The following CDH13 variants were observed in gnomAD, a reference collection of about 807,000 sequenced individuals.
CDH13 encodes the protein cadherin-13.
In CDH13, 24 loss-of-function variants were observed where a neutral mutation model predicts 63.8. The observed-to-expected ratio is 0.38, with a 90% CI of 0.27 to 0.53. The LOEUF is 0.53. Ranked by LOEUF, CDH13 falls within the 20% of genes least tolerant of loss-of-function variation. The probability of loss-of-function intolerance (pLI) is 0.85; values close to 1 mark genes in which losing one functional copy is unlikely to be tolerated. For synonymous variants in CDH13, 503 were observed against 355.3 expected (o/e 1.42, Z -4.67); for missense variants, 1,049 against 903.1 (o/e 1.16, Z -2.07).
chr16:83,197,794 A>G (rs2038917847), intron 4 of CDH13, among the ~76,000 whole-genome samples: 2 of 140,668 alleles, frequency 1.4e-5, no homozygotes, highest in African/African-American at 2.7e-5. Context: ...TCACACACTC[A>G]TATGCTCACA....
At chr16:83,429,057 G>A (rs896422487) in intron 6 of CDH13, among the ~76,000 whole-genome samples, 5 of 152,232 alleles carry the variant, frequency 3.3e-5, no homozygotes, top group African/African-American at 1.2e-4. Flanking sequence ...ACCAAAGGAA[G>A]AAAGAGGAAA....
intron 7 of CDH13, among the ~76,000 whole-genome samples, chr16:83,537,483 GT>G (rs943635436): frequency 7.2e-4 from 109 of 152,090 alleles, no homozygotes; most frequent in Non-Finnish European, 1.2e-3. Flanking sequence ...TTATATGATT[GT>G]TTAATTCTTG....
chr16:83,015,660 T>TGTGA (rs1384168438), intron 2 of CDH13, among the ~76,000 whole-genome samples: 1 of 84,976 alleles, frequency 1.2e-5, no homozygotes, highest in Non-Finnish European at 2.4e-5. Flanking sequence ...AGCATATATG[T>TGTGA]GTGTGTGTGT....
At chr16:82,667,459 C>T (rs901807359) in intron 1 of CDH13, among the ~76,000 whole-genome samples, 1 of 152,194 alleles carries the variant, frequency 6.6e-6, no homozygotes, top group Non-Finnish European at 1.5e-5. Flanking sequence ...CACTCATTCC[C>T]ATCTGCTATT....
intron 10 of CDH13, among the ~76,000 whole-genome samples, chr16:83,708,023 C>T (rs1460097096): frequency 2.0e-5 from 3 of 152,046 alleles, no homozygotes; most frequent in African/African-American, 7.3e-5. Context: ...AGCAACTTGC[C>T]CAGGGCACCA....
At chr16:83,621,254 G>A (rs1598381020) in intron 8 of CDH13, among the ~76,000 whole-genome samples, 2 of 152,128 alleles carry the variant, frequency 1.3e-5, no homozygotes, top group South Asian at 4.1e-4. Flanking sequence ...GGATTCAGTG[G>A]CAGCCATTAT....
At chr16:83,704,058 C>T (rs563585059) in intron 10 of CDH13, among the ~76,000 whole-genome samples, 2 of 152,316 alleles carry the variant, frequency 1.3e-5, no homozygotes, top group African/African-American at 4.8e-5. Flanking sequence ...AAGAACCCTT[C>T]AACCCAGACT....
At chr16:82,812,778 CTTTTT>C (rs1220954162) in intron 1 of CDH13, among the ~76,000 whole-genome samples, 1 of 151,052 alleles carries the variant, frequency 6.6e-6, no homozygotes, top group Non-Finnish European at 1.5e-5. Context: ...TTTTTTCTTT[CTTTTT>C]TATTTCCTTT....
At chr16:83,260,184 G>T (rs1212967153) in intron 5 of CDH13, among the ~76,000 whole-genome samples, 1 of 150,968 alleles carries the variant, frequency 6.6e-6, no homozygotes, top group Non-Finnish European at 1.5e-5. Context: ...CTTAGTCTAT[G>T]TGGTGCTTTG....
chr16:83,096,739 G>A (rs759664536), intron 3 of CDH13, among the ~76,000 whole-genome samples: 8 of 152,126 alleles, frequency 5.3e-5, no homozygotes, highest in African/African-American at 9.7e-5. Context: ...CAATACTGTC[G>A]TAATTATGTG....
chr16:83,246,037 C>G (rs537125396), intron 5 of CDH13, among the ~76,000 whole-genome samples: 2 of 152,310 alleles, frequency 1.3e-5, no homozygotes, highest in African/African-American at 4.8e-5. Flanking sequence ...GCGCCTGGCC[C>G]AAATTCCTAT....
chr16:83,327,897 C>T (rs986497156), intron 5 of CDH13, among the ~76,000 whole-genome samples: 1 of 152,172 alleles, frequency 6.6e-6, no homozygotes, highest in African/African-American at 2.4e-5. Flanking sequence ...CTTTGGGAGT[C>T]CGAAGCGGGT....
At chr16:82,896,981 T>G (rs187403445) in intron 2 of CDH13, among the ~76,000 whole-genome samples, 1 of 148,948 alleles carries the variant, frequency 6.7e-6, no homozygotes, top group East Asian at 2.0e-4. Context: ...TGGGGTTTCA[T>G]CATGTTAGCC....
intron 6 of CDH13, among the ~76,000 whole-genome samples, chr16:83,369,230 G>T (rs567937524): frequency 1.6e-4 from 25 of 151,564 alleles, no homozygotes; most frequent in African/African-American, 4.8e-4. Context: ...CGGGGAAAAG[G>T]GAACACTTTT....
At chr16:82,719,476 G>A (rs764305116) in intron 1 of CDH13, 7 of 455,486 alleles carry the variant, frequency 1.5e-5, no homozygotes, top group South Asian at 7.8e-5. Flanking sequence ...TGCCAACTTC[G>A]TAAGTTACAT....
intron 11 of CDH13, among the ~76,000 whole-genome samples, chr16:83,755,446 CA>C (rs1191446614): frequency 2.0e-5 from 3 of 152,030 alleles, no homozygotes; most frequent in Admixed American, 2.0e-4. Flanking sequence ...CCTATTAAAT[CA>C]AAAAGTTTAG....
At chr16:83,582,116 G>T (rs1197432587) in intron 7 of CDH13, among the ~76,000 whole-genome samples, 1 of 152,154 alleles carries the variant, frequency 6.6e-6, no homozygotes, top group South Asian at 2.1e-4. Context: ...GGGGTGGTTA[G>T]TAGGGTGTAA....
chr16:83,455,157 T>C (rs2072988095), intron 6 of CDH13, among the ~76,000 whole-genome samples: 1 of 152,234 alleles, frequency 6.6e-6, no homozygotes, highest in South Asian at 2.1e-4. Context: ...TAGCAGGTTA[T>C]AGACCTGAGA....
chr16:82,716,848 C>G (rs1055843457), intron 1 of CDH13, among the ~76,000 whole-genome samples: 3 of 151,742 alleles, frequency 2.0e-5, no homozygotes, highest in Non-Finnish European at 2.9e-5. Flanking sequence ...CTTCTTTGTC[C>G]TTTGCCTCAA....
Sources: allele counts gnomAD v4.1 joint callset (sites outside exome capture counted in the v4.1 genomes callset), GRCh38; gene constraint gnomAD v4.1.1; transcripts MANE v1.5; gene names NCBI Gene and HGNC (gene_info 2026-07-23, HGNC 2026-07-21).